CD163L1: variants seen among roughly 807,000 people sequenced by gnomAD.
CD163L1 encodes the protein CD163 molecule like 1, also known as scavenger receptor cysteine-rich type 1 protein M160.
A neutral mutation model predicts 165.4 loss-of-function variants in CD163L1; 124 were observed. The observed-to-expected ratio is 0.75, with a 90% CI of 0.65 to 0.87. The LOEUF (loss-of-function observed/expected upper bound fraction) is 0.87. Among genes scored for constraint, CD163L1 ranks in the 40% least tolerant of loss-of-function variants. CD163L1 has a pLI of 0.00. For synonymous variants in CD163L1, 585 were observed against 662.2 expected (o/e 0.88, Z 1.79); for missense variants, 1,525 against 1,799.9 (o/e 0.85, Z 2.76).
the CD163L1 span, among the ~76,000 whole-genome samples, chr12:7,331,868 CA>C: frequency 6.6e-6 from 1 of 152,178 alleles, no homozygotes; most frequent in African/African-American, 2.4e-5. Context: ...ATCTAAAAAT[CA>C]GAGCGCCTCT....
In CD163L1 at chr12:7,441,234, C is replaced by T. The variant is rs745702863; in HGVS notation, c.44G>A (p.Cys15Tyr). ...AGAGAAAAGGTTCTGATGACAGCAG[C>T]ATCTTCCAAAATCTGGAGAAACAAA... ...QNSWHIDFGR[C>Y]CCHQNLFSAV... Residue 15 changes from cysteine to tyrosine, a missense_variant, in exon 2 of 20, where the codon TGC (cysteine) becomes TAC (tyrosine). Physicochemically the swap from Cys to Tyr is radical, Grantham distance 194 (BLOSUM62 -2). Transcript: ENST00000313599. 6.2e-7 allele frequency: 1 copy of T among 1,613,760 alleles called. No individual in the cohort carries two copies. Among genetic ancestry groups the T allele is most frequent in the Admixed American group, 1.7e-5 (1 of 59,998 alleles).
downstream of CD163L1, among the ~76,000 whole-genome samples, chr12:7,341,709 G>A (rs1946638690): frequency 1.3e-5 from 2 of 152,102 alleles, no homozygotes; most frequent in Non-Finnish European, 2.9e-5. Context: ...AAAATGGGAT[G>A]GGAAACGACC....
the CD163L1 span, among the ~76,000 whole-genome samples, chr12:7,335,716 C>G: frequency 6.6e-6 from 1 of 152,198 alleles, no homozygotes; most frequent in South Asian, 2.1e-4. Flanking sequence ...TCAGAGTGAA[C>G]AGGCAACCTA....
chr12:7,358,351 G>A (rs985508759), intron 18 of CD163L1, among the ~76,000 whole-genome samples: 1 of 152,054 alleles, frequency 6.6e-6, no homozygotes, highest in Non-Finnish European at 1.5e-5. Flanking sequence ...ATCATTCTGT[G>A]CTTTCTATCA....
Position 7,369,689 on chromosome 12 carries a change from G to T in CD163L1, c.3731-24C>A. 1 of 1,594,940 alleles carries T rather than the reference G, an allele frequency of 6.3e-7. No homozygotes were observed. Among genetic ancestry groups the T allele is most frequent in the Non-Finnish European group, 8.6e-7 (1 of 1,166,158 alleles). On this transcript the variant is annotated intron_variant, in intron 14 of 19. Coordinates refer to ENST00000313599, the MANE Select transcript of CD163L1 (RefSeq NM_174941.6). This position sits in a 1 kb window ranked among gnomAD's most constrained non-coding sequence, Gnocchi z 4.9. Reference sequence around the variant, plus strand: ...ATCTACAAAGGCACAAAACATGGCTGTCTTTACTCCTGAAGGAGGTTGTGG... The same window carrying T: ...ATCTACAAAGGCACAAAACATGGCTTTCTTTACTCCTGAAGGAGGTTGTGG...
chr12:7,416,100 T>C (rs997097108), intron 4 of CD163L1, among the ~76,000 whole-genome samples: 1 of 152,212 alleles, frequency 6.6e-6, no homozygotes, highest in African/African-American at 2.4e-5. Flanking sequence ...GTTTCCTGAC[T>C]TTTTAATGAT....
the CD163L1 span, among the ~76,000 whole-genome samples, chr12:7,319,294 C>A: frequency 1.3e-5 from 2 of 152,042 alleles, no homozygotes; most frequent in South Asian, 2.1e-4. Flanking sequence ...GGTGGTAATG[C>A]GGGCAATGGG....
intron 6 of CD163L1, 53 bp downstream of exon 6, chr12:7,403,482 A>T: frequency 5.3e-6 from 8 of 1,514,674 alleles, no homozygotes; most frequent in Non-Finnish European, 7.1e-6. Flanking sequence ...ACCTCCCAAC[A>T]GATTATTTCT....
chr12:7,429,436 A>C (rs1400846144), intron 4 of CD163L1, among the ~76,000 whole-genome samples: 1 of 152,106 alleles, frequency 6.6e-6, no homozygotes, highest in Non-Finnish European at 1.5e-5. Context: ...CTAAATTTAT[A>C]TCTCTAATTC....
downstream of CD163L1, among the ~76,000 whole-genome samples, chr12:7,343,427 T>G (rs1440854071): frequency 6.6e-6 from 1 of 152,174 alleles, no homozygotes; most frequent in Non-Finnish European, 1.5e-5. Context: ...AAAAGAGATT[T>G]AATTACCTCA....
At chr12:7,360,599 T>C (rs969521774) in intron 18 of CD163L1, among the ~76,000 whole-genome samples, 4 of 152,164 alleles carry the variant, frequency 2.6e-5, no homozygotes, top group African/African-American at 9.7e-5. Context: ...GGCAATCCAG[T>C]GATTTTTTGA....
Position 7,398,712 on chromosome 12 carries a change from A to T in CD163L1, c.1409-128T>A. The T allele has an allele frequency of 1.4e-6, 1 of 712,472 alleles. No homozygotes were observed. Among genetic ancestry groups the T allele is most frequent in the South Asian group, 4.8e-5 (1 of 20,838 alleles). 44.1% of individuals were successfully genotyped at this position (712,472 alleles called of 1,614,324 possible). On this transcript the variant is annotated intron_variant, in intron 6 of 19. Coordinates refer to ENST00000313599, the MANE Select transcript of CD163L1 (RefSeq NM_174941.6). This position sits in a 1 kb window ranked among gnomAD's most constrained non-coding sequence, Gnocchi z 4.5. ...GGTGATATATTAGGCACACTTTTGA[A>T]TGAAAAGTTTGGTTTTCTTTCTTTT...
intron 8 of CD163L1, among the ~76,000 whole-genome samples, chr12:7,380,319 A>ATG (rs1947360505): frequency 6.8e-6 from 1 of 146,560 alleles, no homozygotes; most frequent in East Asian, 2.0e-4. Flanking sequence ...ATATACATAC[A>ATG]TATATGTATG....
chr12:7,421,293 G>A (rs1448865705), intron 4 of CD163L1, among the ~76,000 whole-genome samples: 1 of 114,470 alleles, frequency 8.7e-6, no homozygotes, highest in African/African-American at 3.3e-5. Context: ...ATATATGTGT[G>A]TATATATGTA....
At chr12:7,438,842 GT>G in intron 2 of CD163L1, 1 of 1,563,784 alleles carries the variant, frequency 6.4e-7, no homozygotes, top group East Asian at 2.2e-5. Flanking sequence ...GCCCTTTGGC[GT>G]TTGGACAGAT....
chr12:7,328,554 C>T, the CD163L1 span: 33,565 of 370,634 alleles, frequency 0.091, 1,804 homozygotes, highest in East Asian at 0.17. Flanking sequence ...GCCTCAAAAA[C>T]GTATGGATGA....
intron 8 of CD163L1, among the ~76,000 whole-genome samples, chr12:7,380,997 A>G (rs969349529): frequency 1.3e-5 from 2 of 152,164 alleles, no homozygotes; most frequent in Non-Finnish European, 2.9e-5. Flanking sequence ...TTGCCTACTA[A>G]TTTGAGAATA....
Position 7,398,754 on chromosome 12 carries a change from A to G in CD163L1, c.1409-170T>C, listed in dbSNP as rs1218242925. On this transcript the variant is annotated intron_variant, in intron 6 of 19. Transcript: ENST00000313599. This position sits in a 1 kb window ranked among gnomAD's most constrained non-coding sequence, Gnocchi z 4.5. Reference sequence around the variant, plus strand: ...CTTTCTTTTGACAATTTTTTATTCAATTTTTGGAGAGAAGGTGTCTCTAAA... The same window carrying G: ...CTTTCTTTTGACAATTTTTTATTCAGTTTTTGGAGAGAAGGTGTCTCTAAA... 6.6e-6 allele frequency among the ~76,000 whole-genome samples: 1 copy of G among 152,162 alleles called. No individual in the cohort carries two copies. Among genetic ancestry groups the G allele is most frequent in the Non-Finnish European group, 1.5e-5 (1 of 68,012 alleles).
chr12:7,374,340 T>C lies in CD163L1; in HGVS notation c.3409+102A>G, dbSNP rs549605252. 1.6e-5 allele frequency: 20 copies of C among 1,259,532 alleles called. No individual in the cohort carries two copies. The highest frequency in any genetic ancestry group is 2.2e-5 in the Non-Finnish European group (20 of 911,528). 78.0% of individuals were successfully genotyped at this position (1,259,532 alleles called of 1,614,324 possible). ...AAACCAAGTGGATTTTTTGTTTGTA[T>C]TCCTAGGCCATACACTTTTCACTAC... On this transcript the variant is annotated intron_variant, in intron 13 of 19. Transcript: ENST00000313599. The surrounding 1 kb of genome is among the most constrained non-coding windows in gnomAD (Gnocchi z 5.4).
Sources: gnomAD v4.1 joint callset for allele counts (sites outside exome capture counted in the v4.1 genomes callset) on GRCh38, gnomAD v4.1.1 for gene constraint, Gnocchi (gnomAD v3.1) non-coding constraint, MANE v1.5 for transcripts, NCBI Gene and HGNC (gene_info 2026-07-23, HGNC 2026-07-21) for gene names.